The following GTF3C3 variants were observed in gnomAD, a reference collection of about 807,000 sequenced individuals.
GTF3C3 encodes the protein general transcription factor IIIC subunit 3.
Under a neutral mutation model 105.2 loss-of-function variants are expected in GTF3C3, and 75 were observed. The ratio of observed to expected loss-of-function variants is 0.71; its 90% CI spans 0.59 to 0.86. GTF3C3 has a LOEUF of 0.86. Ranked by LOEUF, GTF3C3 falls within the 40% of genes least tolerant of loss-of-function variation. The probability of loss-of-function intolerance (pLI) is 0.00; values close to 1 mark genes in which losing one functional copy is unlikely to be tolerated. For synonymous variants in GTF3C3, 335 were observed against 370.4 expected (o/e 0.90, Z 1.10); for missense variants, 856 against 1,076.5 (o/e 0.80, Z 2.87).
rs1223909653 is a variant in GTF3C3 at position 196,790,017 on chromosome 2, C to G, written c.589G>C (p.Gly197Arg). The change falls in exon 5 of 18, where the codon GGT becomes CGT. Residue 197 changes from glycine (G) to arginine (R), a missense_variant. Gly to Arg is a moderately radical substitution (Grantham distance 125). Transcript: ENST00000263956. ...STLAMIYEDQGDMEKSLQFEL... is the reference protein window; with the variant it reads ...STLAMIYEDQRDMEKSLQFEL... Reference sequence around the variant, plus strand: ...AACTGCAATGATTTTTCCATGTCACCTTGGTCCTCATATATCATGGCTAGA... The same window carrying G: ...AACTGCAATGATTTTTCCATGTCACGTTGGTCCTCATATATCATGGCTAGA... 1 of 1,613,324 alleles carries G rather than the reference C, an allele frequency of 6.2e-7. No homozygotes were observed. Among genetic ancestry groups the G allele is most frequent in the African/African-American group, 1.3e-5 (1 of 74,876 alleles).
intron 4 of GTF3C3, among the ~76,000 whole-genome samples, 189 bp from the exon 5 acceptor site, chr2:196,790,259 C>T (rs1309345499): frequency 6.6e-6 from 1 of 152,114 alleles, no homozygotes; most frequent in Non-Finnish European, 1.5e-5. Context: ...TATTTTCATA[C>T]ATTTTTAGCA....
chr2:196,777,434 A>C (rs1160743138), intron 10 of GTF3C3, among the ~76,000 whole-genome samples: 1 of 152,314 alleles, frequency 6.6e-6, no homozygotes, highest in Non-Finnish European at 1.5e-5. Flanking sequence ...TCAATCAATC[A>C]ATCAATACAT....
In GTF3C3 at chr2:196,766,650, C is replaced by G; in HGVS notation, c.2453G>C (p.Gly818Ala). The change falls in exon 17 of 18, where the codon GGC becomes GCC. Residue 818 changes from glycine to alanine, a missense_variant. Gly to Ala is a moderately conservative substitution (Grantham distance 60). This residue lies in a region of GTF3C3 where 134 missense variants were observed against 128.9 expected (regional missense o/e 1.04). Coordinates refer to ENST00000263956, the MANE Select transcript of GTF3C3 (RefSeq NM_012086.5). ...CAGCCCCAACTGATGAAGGCCACGG[C>G]CCAAATTGTAGAATGATTCCTGGCA... ...GPCQESFYNL[G>A]RGLHQLGLIH... 6.2e-7 allele frequency: 1 copy of G among 1,613,646 alleles called. No homozygotes were observed. Among genetic ancestry groups the G allele is most frequent in the East Asian group, 2.2e-5 (1 of 44,878 alleles).
rs769914255 is a variant in GTF3C3, at chr2:196,781,342, GAAA to G, written c.1115-683_1115-681del. Among the ~76,000 whole-genome samples, 82 of 31,438 alleles carry G rather than the reference GAAA, an allele frequency of 2.6e-3. 4 individuals carry two copies. In the East Asian group the frequency reaches 0.044, roughly 17 times the overall value. 20.6% of individuals were successfully genotyped at this position (31,438 alleles called of 152,430 possible). ...AACTGCAGATCAAAAATGTTAAGGG[GAAA>G]AAAAAAAAAAAAATATATATATATA... On this transcript the variant is annotated intron_variant, in intron 8 of 17. Transcript: ENST00000263956.
chr2:196,772,086 A>G (rs1699184756), intron 14 of GTF3C3, 148 bp from the exon 15 acceptor site: 1 of 600,200 alleles, frequency 1.7e-6, no homozygotes. Context: ...TATTTAAAGC[A>G]AAACTCTCCT....
At chr2:196,781,342 G>GAAAAAAAAAAAAAAAAAAAAAAA (rs769914255) in intron 8 of GTF3C3, among the ~76,000 whole-genome samples, 5 of 31,454 alleles carry the variant, frequency 1.6e-4, no homozygotes, top group African/African-American at 2.4e-4. Context: ...ATGTTAAGGG[G>GAAAAAAAAAAAAAAAAAAAAAAA]AAAAAAAAAA....
At chr2:196,773,240 C>G (rs1006205040) in intron 13 of GTF3C3, 87 bp from the exon 14 acceptor site, 2 of 778,578 alleles carry the variant, frequency 2.6e-6, no homozygotes, top group African/African-American at 3.5e-5. Context: ...AATTTTAAGA[C>G]AAGTTTAATA....
In GTF3C3 at chr2:196,776,089, C is replaced by T. The variant is rs768934711; in HGVS notation, c.1616G>A (p.Arg539His). ...GCCTTGTGAAAACAACAGAGTAGAA[C>T]GATGAAGCAATAACTTCAGTTCCTA... ...AQQELKLLLH[R>H]STLLFSQGKM... Residue 539 changes from arginine to histidine, a missense_variant, in exon 12 of 18, where the codon CGT (arginine) becomes CAT (histidine). Arg to His is a conservative substitution (Grantham distance 29). Around this residue, in one of 3 missense-constraint regions of GTF3C3, gnomAD observed 605 missense variants for 833.6 expected, o/e 0.73. Coordinates refer to ENST00000263956, the MANE Select transcript of GTF3C3 (RefSeq NM_012086.5). The surrounding 1 kb of genome is among the most constrained non-coding windows in gnomAD (Gnocchi z 4.5). 5.1e-6 allele frequency: 8 copies of T among 1,581,766 alleles called. No homozygotes were observed. The Admixed American group carries it at 7.1e-5, about 14-fold the overall frequency.
At chr2:196,765,158 T>TATAA (rs1699039557) in intron 17 of GTF3C3, among the ~76,000 whole-genome samples, 1 of 152,116 alleles carries the variant, frequency 6.6e-6, no homozygotes, top group Non-Finnish European at 1.5e-5. Flanking sequence ...CGGAAAGGCA[T>TATAA]ATAAAGTGTA....
chr2:196,776,864 T>C lies in GTF3C3; in HGVS notation c.1391-235A>G, dbSNP rs920552361. Among the ~76,000 whole-genome samples the C allele has an allele frequency of 6.6e-6, 1 of 152,234 alleles. No individual in the cohort carries two copies. Among genetic ancestry groups the C allele is most frequent in the South Asian group, 2.1e-4 (1 of 4,836 alleles). On this transcript the variant is annotated intron_variant, in intron 10 of 17. Transcript: ENST00000263956. This position sits in a 1 kb window ranked among gnomAD's most constrained non-coding sequence, Gnocchi z 4.5. The stretch of plus-strand genomic sequence containing the variant: ...ATAATTTAGGGTTCTGCTTTATTCA[T>C]TGAGCATTACATTTTAAACACTGTC...
chr2:196,770,055 T>C lies in GTF3C3; in HGVS notation c.2261-16A>G. Reference sequence around the variant, plus strand: ...ACATACTGTCCTGGAAAATAAGCAGTGGTGTCAGACGGTGTGACAAGAACA... The same window carrying C: ...ACATACTGTCCTGGAAAATAAGCAGCGGTGTCAGACGGTGTGACAAGAACA... On this transcript the variant is annotated splice_polypyrimidine_tract_variant and intron_variant, in intron 15 of 17. Transcript: ENST00000263956. The C allele has an allele frequency of 1.3e-6, 2 of 1,505,814 alleles. No individual in the cohort carries two copies. The highest frequency in any genetic ancestry group is 1.8e-6 in the Non-Finnish European group (2 of 1,133,230). The allele number at this position is 1,505,814 out of a possible 1,614,324, so 93.3% of individuals were successfully genotyped here.
At chr2:196,765,719 A>C (rs1559295857) in intron 17 of GTF3C3, among the ~76,000 whole-genome samples, 1 of 151,830 alleles carries the variant, frequency 6.6e-6, no homozygotes, top group Non-Finnish European at 1.5e-5. Context: ...CAGTAATAGA[A>C]AAACAATTGT....
At chr2:196,784,042 T>C (rs10497801) in intron 8 of GTF3C3, among the ~76,000 whole-genome samples, 16,059 of 152,196 alleles carry the variant, frequency 0.11, 1,056 homozygotes, top group African/African-American at 0.19. Context: ...ACCATTAGGA[T>C]GGATCATGTT....
chr2:196,796,782 T>A (rs1699654789), intron 2 of GTF3C3, among the ~76,000 whole-genome samples: 1 of 152,182 alleles, frequency 6.6e-6, no homozygotes, highest in Admixed American at 6.5e-5. Context: ...GGTCTTCTGT[T>A]CCTGTGTTGG....
intron 14 of GTF3C3, 135 bp from the exon 15 acceptor site, chr2:196,772,073 A>G: frequency 1.6e-6 from 1 of 625,438 alleles, no homozygotes; most frequent in South Asian, 2.0e-5. Context: ...GATAGTTTCA[A>G]TCTATTTAAA....
chr2:196,781,387 T>TATATATAA (rs1387409452), intron 8 of GTF3C3, among the ~76,000 whole-genome samples: 1 of 119,500 alleles, frequency 8.4e-6, no homozygotes, highest in South Asian at 2.7e-4. Context: ...TATATATATA[T>TATATATAA]AAAATTAAAT....
At chr2:196,796,493 G>T (rs1429537302) in intron 2 of GTF3C3, among the ~76,000 whole-genome samples, 1 of 152,182 alleles carries the variant, frequency 6.6e-6, no homozygotes, top group Non-Finnish European at 1.5e-5. Flanking sequence ...AACAACTTCA[G>T]TCAGCTGCCT....
At chr2:196,779,125 T>A in intron 9 of GTF3C3, 58 bp from the exon 10 acceptor site, 11 of 1,193,638 alleles carry the variant, frequency 9.2e-6, no homozygotes, top group Non-Finnish European at 1.3e-5. Flanking sequence ...CACATCTATC[T>A]ATAGCTTTTT....
At chr2:196,787,672 CTTTG>C (rs1380299142) in intron 6 of GTF3C3, among the ~76,000 whole-genome samples, 1 of 152,106 alleles carries the variant, frequency 6.6e-6, no homozygotes, top group Non-Finnish European at 1.5e-5. Flanking sequence ...CTTTTTCCTG[CTTTG>C]TTTTTCTTCA....
Sources: gnomAD v4.1 joint callset for allele counts (sites outside exome capture counted in the v4.1 genomes callset) on GRCh38, gnomAD v4.1.1 for gene constraint, gnomAD v4.1.1 regional missense constraint, Gnocchi (gnomAD v3.1) non-coding constraint, MANE v1.5 for transcripts, NCBI Gene and HGNC (gene_info 2026-07-23, HGNC 2026-07-21) for gene names.